Variants in EFCAB3 observed in about 807,000 individuals in gnomAD.
The protein encoded by EFCAB3 is EF-hand calcium binding domain 3.
In EFCAB3, 36 loss-of-function variants were observed where a neutral mutation model predicts 42.2. The observed-to-expected ratio is 0.85, with a 90% CI of 0.65 to 1.13. EFCAB3 has a LOEUF of 1.13. Ranked by LOEUF, EFCAB3 falls within the 50% of genes most tolerant of loss-of-function variation. The pLI, the probability that EFCAB3 is intolerant of heterozygous loss-of-function variation, is 0.00. For synonymous variants in EFCAB3, 170 were observed against 172.8 expected (o/e 0.98, Z 0.13); for missense variants, 418 against 505.1 (o/e 0.83, Z 1.65).
intron 2 of EFCAB3, among the ~76,000 whole-genome samples, chr17:62,385,954 C>T (rs1452527153): frequency 6.6e-6 from 1 of 151,214 alleles, no homozygotes; most frequent in South Asian, 2.1e-4. Flanking sequence ...GTCTCGATCT[C>T]CTGACCTCGT....
chr17:62,398,058 TG>T, intron 6 of EFCAB3: 1 of 294,834 alleles, frequency 3.4e-6, no homozygotes, highest in South Asian at 3.7e-5. Context: ...GTGATATTCC[TG>T]GAGTCTGCTT....
chr17:62,374,186 C>A (rs1335485572), intron 2 of EFCAB3, among the ~76,000 whole-genome samples: 1 of 152,176 alleles, frequency 6.6e-6, no homozygotes, highest in African/African-American at 2.4e-5. Context: ...CTAGGCCGGG[C>A]ACGGTGGCTC....
At chr17:62,388,140 A>G (rs545312544) in intron 3 of EFCAB3, among the ~76,000 whole-genome samples, 1 of 152,108 alleles carries the variant, frequency 6.6e-6, no homozygotes, top group East Asian at 1.9e-4. Flanking sequence ...GAACCCAGGA[A>G]GCGGAGGTTG....
At chr17:62,393,522 A>T (rs754985498) in intron 4 of EFCAB3, 51 bp from the exon 5 acceptor site, 6 of 1,373,668 alleles carry the variant, frequency 4.4e-6, no homozygotes, top group Non-Finnish European at 1.0e-6. Flanking sequence ...ATATACTCTG[A>T]TAATTAAAAT....
chr17:62,379,417 CAAAAA>C (rs34114907), upstream of EFCAB3, among the ~76,000 whole-genome samples: 6 of 99,528 alleles, frequency 6.0e-5, no homozygotes, highest in Admixed American at 1.0e-4. Context: ...GAGACCTCAC[CAAAAA>C]AAAAAAAAAA....
intron 6 of EFCAB3, 97 bp downstream of exon 6, chr17:62,395,285 G>C (rs1446624463): frequency 6.7e-7 from 1 of 1,488,310 alleles, no homozygotes; most frequent in Non-Finnish European, 9.1e-7. Flanking sequence ...ACTCCACAGG[G>C]TCTGGTCCAA....
chr17:62,377,938 G>T, upstream of EFCAB3: 1 of 1,527,422 alleles, frequency 6.5e-7, no homozygotes, highest in African/African-American at 1.4e-5. Flanking sequence ...AGAAATTCAT[G>T]TAATTTTGAT....
upstream of EFCAB3, chr17:62,377,959 G>T: frequency 6.5e-7 from 1 of 1,545,420 alleles, no homozygotes; most frequent in Non-Finnish European, 8.7e-7. Context: ...TCTTAATCTT[G>T]TCTTTAAGCA....
chr17:62,376,998 G>A (rs2070155932), upstream of EFCAB3, among the ~76,000 whole-genome samples: 1 of 152,140 alleles, frequency 6.6e-6, no homozygotes, highest in African/African-American at 2.4e-5. Context: ...GGCATAGGGT[G>A]CCTCTAGCAA....
At chr17:62,373,969 A>G (rs1039308673) in intron 2 of EFCAB3, 3 of 577,244 alleles carry the variant, frequency 5.2e-6, no homozygotes, top group African/African-American at 3.9e-5. Context: ...TGTTCATTAT[A>G]GAAAATTTCT....
At chr17:62,411,069 T>C (rs1273107853) in intron 8 of EFCAB3, among the ~76,000 whole-genome samples, 1 of 152,216 alleles carries the variant, frequency 6.6e-6, no homozygotes, top group Non-Finnish European at 1.5e-5. Flanking sequence ...CGGTTTTAGA[T>C]TGGTATTACC....
At chr17:62,377,432 T>A (rs2070159633), upstream of EFCAB3, among the ~76,000 whole-genome samples, 1 of 152,148 alleles carries the variant, frequency 6.6e-6, no homozygotes, top group African/African-American at 2.4e-5. Context: ...CTCCCACATT[T>A]TTAGAGGAAA....
At chr17:62,376,862 A>G (rs2070154577), upstream of EFCAB3, among the ~76,000 whole-genome samples, 4 of 152,214 alleles carry the variant, frequency 2.6e-5, 1 homozygote, top group South Asian at 8.3e-4. Context: ...TTTACTTACT[A>G]GGGACACAGA....
chr17:62,400,397 G>T (rs1196369933), intron 6 of EFCAB3, among the ~76,000 whole-genome samples: 1 of 152,084 alleles, frequency 6.6e-6, no homozygotes, highest in African/African-American at 2.4e-5. Context: ...CCCTACGACA[G>T]GCCCCAGTGT....
intron 6 of EFCAB3, among the ~76,000 whole-genome samples, chr17:62,399,586 A>G (rs1196864788): frequency 6.6e-6 from 1 of 151,992 alleles, no homozygotes; most frequent in Non-Finnish European, 1.5e-5. Context: ...ACTCTTCCTC[A>G]TATACATCAA....
At chr17:62,383,489 T>C (rs763248788) in intron 2 of EFCAB3, among the ~76,000 whole-genome samples, 2 of 152,062 alleles carry the variant, frequency 1.3e-5, no homozygotes, top group African/African-American at 2.4e-5. Flanking sequence ...AAATTACTAA[T>C]ATATTAAATG....
At chr17:62,393,444 T>C in intron 4 of EFCAB3, 129 bp from the exon 5 acceptor site, 1 of 716,128 alleles carries the variant, frequency 1.4e-6, no homozygotes, top group South Asian at 2.2e-5. Context: ...CCTGAGCATA[T>C]TTCCAGCCCT....
chr17:62,409,644 AC>A (rs1392817461), intron 8 of EFCAB3, among the ~76,000 whole-genome samples: 5 of 148,966 alleles, frequency 3.4e-5, no homozygotes, highest in Non-Finnish European at 5.9e-5. Context: ...CCAATACCTT[AC>A]CCCCTTTCCT....
At chr17:62,382,777 A>C (rs367785375) in intron 1 of EFCAB3, among the ~76,000 whole-genome samples, 186 bp from the exon 2 acceptor site, 1 of 152,344 alleles carries the variant, frequency 6.6e-6, no homozygotes. Flanking sequence ...GAAATCGGGA[A>C]CAACGAAGGG....
Sources: gnomAD v4.1 joint callset for allele counts (sites outside exome capture counted in the v4.1 genomes callset) on GRCh38, gnomAD v4.1.1 for gene constraint, MANE v1.5 for transcripts, NCBI Gene and HGNC (gene_info 2026-07-23, HGNC 2026-07-21) for gene names.